CARHSP1: variants seen among roughly 807,000 people sequenced by gnomAD.
CARHSP1 encodes the protein calcium regulated heat stable protein 1.
In CARHSP1, 14 loss-of-function variants were observed where a neutral mutation model predicts 12.5. That is an observed-to-expected ratio of 1.12 (90% CI 0.74 to 1.75). CARHSP1 has a LOEUF of 1.75. Ranked by LOEUF, CARHSP1 falls within the 40% of genes most tolerant of loss-of-function variation. CARHSP1 has a pLI of 0.00. For synonymous variants in CARHSP1, 161 were observed against 82.0 expected (o/e 1.96, Z -5.20); for missense variants, 343 against 201.6 (o/e 1.70, Z -4.25).
intron 1 of CARHSP1, chr16:8,860,204 G>C (rs1271292719): frequency 7.1e-6 from 7 of 985,324 alleles, no homozygotes; most frequent in African/African-American, 1.7e-5. Context: ...CCTGCACCCA[G>C]GACTGGGGGG....
At chr16:8,865,741 TG>T (rs2061443978) in intron 1 of CARHSP1, among the ~76,000 whole-genome samples, 1 of 152,192 alleles carries the variant, frequency 6.6e-6, no homozygotes, top group Non-Finnish European at 1.5e-5. Context: ...CAGGCCCTGT[TG>T]GGGGATTACA....
At chr16:8,858,530 C>T in intron 2 of CARHSP1, 58 bp from the exon 3 acceptor site, 2 of 1,590,768 alleles carry the variant, frequency 1.3e-6, no homozygotes, top group South Asian at 2.3e-5. Context: ...ACACAAAGCT[C>T]ATTCCAGCCC....
At chr16:8,864,585 G>A (rs1387993760) in intron 1 of CARHSP1, among the ~76,000 whole-genome samples, 1 of 152,254 alleles carries the variant, frequency 6.6e-6, no homozygotes, top group Non-Finnish European at 1.5e-5. Context: ...TACGGAGTAA[G>A]TCAGACAGCA....
At chr16:8,857,265 T>TTTTTGTTG (rs1472338087) in intron 3 of CARHSP1, among the ~76,000 whole-genome samples, 4 of 11,834 alleles carry the variant, frequency 3.4e-4, no homozygotes, top group Non-Finnish European at 8.0e-4. Context: ...GCAGATCTGT[T>TTTTTGTTG]TTTTTTTTTT....
Position 8,853,159 on chromosome 16 carries a change from G to A in CARHSP1, c.*2005C>T, listed in dbSNP as rs1414882446. ...ATACCCATTGATTGAAAGAGCTGTGGCCAAACAGGAAGGACAGAGTAAGAG... is the reference window on the plus strand; with the variant it reads ...ATACCCATTGATTGAAAGAGCTGTGACCAAACAGGAAGGACAGAGTAAGAG... On this transcript the variant is annotated 3_prime_UTR_variant, in exon 4 of 4. Coordinates refer to ENST00000311052, the MANE Select transcript of CARHSP1 (RefSeq NM_014316.4). 6.6e-6 allele frequency: 1 copy of A among 152,016 alleles called. No homozygotes were observed. The highest frequency in any genetic ancestry group is 6.6e-5 in the Admixed American group (1 of 15,242). 9.4% of individuals were successfully genotyped at this position (152,016 alleles called of 1,614,324 possible).
intron 1 of CARHSP1, among the ~76,000 whole-genome samples, chr16:8,865,557 T>C (rs939500421): frequency 6.6e-6 from 1 of 152,210 alleles, no homozygotes; most frequent in African/African-American, 2.4e-5. Flanking sequence ...GTCTTGAGCC[T>C]TCCATGGGAT....
At chr16:8,860,556 T>TA in intron 1 of CARHSP1, 1 of 983,448 alleles carries the variant, frequency 1.0e-6, no homozygotes. Context: ...TTCCCATCTC[T>TA]GGGCTCAGTT....
chr16:8,866,468 G>A (rs138031402), intron 1 of CARHSP1: 13,968 of 985,282 alleles, frequency 0.014, 99 homozygotes, highest in African/African-American at 0.022. Flanking sequence ...GAGACACTGA[G>A]CTGACCCATC....
At chr16:8,867,627 T>TC (rs1480756021) in intron 1 of CARHSP1, 1 of 152,388 alleles carries the variant, frequency 6.6e-6, no homozygotes, top group Non-Finnish European at 1.5e-5. Flanking sequence ...CAGGCCTAGC[T>TC]CAGCTCATTG....
At chr16:8,857,272 T>TTTGTTTTTG in intron 3 of CARHSP1, among the ~76,000 whole-genome samples, 1 of 29,336 alleles carries the variant, frequency 3.4e-5, no homozygotes, top group Non-Finnish European at 7.2e-5. Context: ...TGTTTTTTTT[T>TTTGTTTTTG]TTTTTTTTTT....
At chr16:8,862,061 G>A (rs1382876785) in intron 1 of CARHSP1, among the ~76,000 whole-genome samples, 1 of 140,562 alleles carries the variant, frequency 7.1e-6, no homozygotes, top group African/African-American at 2.6e-5. Context: ...GGAGTGCAAT[G>A]GCACAATCTC....
At chr16:8,858,968 T>G in intron 2 of CARHSP1, 1 of 493,058 alleles carries the variant, frequency 2.0e-6, no homozygotes, top group Non-Finnish European at 3.5e-6. Context: ...TCCCAGCTGG[T>G]AACAGGTTCT....
At chr16:8,858,985 C>T in intron 2 of CARHSP1, 186 bp downstream of exon 2, 1 of 531,582 alleles carries the variant, frequency 1.9e-6, no homozygotes, top group Non-Finnish European at 3.3e-6. Flanking sequence ...TTCTTCTGGG[C>T]TGGGCAGTAC....
chr16:8,863,180 C>T (rs373408126), intron 1 of CARHSP1, among the ~76,000 whole-genome samples: 2 of 128,018 alleles, frequency 1.6e-5, no homozygotes, highest in South Asian at 2.5e-4. Flanking sequence ...AATGCAGTGG[C>T]GCGATCATGG....
intron 3 of CARHSP1, among the ~76,000 whole-genome samples, chr16:8,857,229 A>C (rs1381263421): frequency 4.6e-5 from 6 of 130,000 alleles, no homozygotes; most frequent in African/African-American, 1.5e-4. Flanking sequence ...ATCCATTTCC[A>C]TCACTTTCTG....
At chr16:8,858,898 C>A (rs1417917172) in intron 2 of CARHSP1, 1 of 426,602 alleles carries the variant, frequency 2.3e-6, no homozygotes, top group Non-Finnish European at 4.1e-6. Flanking sequence ...GGGAACCAGA[C>A]TCTCATGTGT....
In CARHSP1 at chr16:8,854,174, A is replaced by C. The variant is rs1248293415; in HGVS notation, c.*990T>G. ...CTTTAGTTATGAAAAATAAGAAAAA[A>C]AAAATCCCTAAGCATTTCTTAACAC... is the stretch of plus-strand genomic sequence containing the variant. On this transcript the variant is annotated 3_prime_UTR_variant, in exon 4 of 4. Coordinates refer to ENST00000311052, the MANE Select transcript of CARHSP1 (RefSeq NM_014316.4). 2.0e-5 allele frequency: 3 copies of C among 152,094 alleles called. No homozygotes were observed. The highest frequency in any genetic ancestry group is 6.6e-5 in the Admixed American group (1 of 15,266). 9.4% of individuals were successfully genotyped at this position (152,094 alleles called of 1,614,324 possible).
At chr16:8,857,273 T>G (rs1462198585) in intron 3 of CARHSP1, among the ~76,000 whole-genome samples, 1,818 of 45,500 alleles carry the variant, frequency 0.04, 127 homozygotes, top group Non-Finnish European at 0.064. Flanking sequence ...GTTTTTTTTT[T>G]TTTTTTTTTT....
At position 8,863,909 on chromosome 16, in the gene CARHSP1, G is replaced by C. The variant is rs534218064; in HGVS notation, c.-7-4574C>G. ...CCAGCACAGTCCCAGCTTCCAGCCA[G>C]CCACTGCTCTCCCAGCAATACCAGG... On this transcript the variant is annotated intron_variant, in intron 1 of 3. Coordinates refer to ENST00000311052, the MANE Select transcript of CARHSP1 (RefSeq NM_014316.4). 8.5e-5 allele frequency among the ~76,000 whole-genome samples: 13 copies of C among 152,300 alleles called. No individual in the cohort carries two copies. In the South Asian group the frequency reaches 2.7e-3, roughly 32 times the overall value.
Sources: allele counts gnomAD v4.1 joint callset (sites outside exome capture counted in the v4.1 genomes callset), GRCh38; gene constraint gnomAD v4.1.1; transcripts MANE v1.5; gene names NCBI Gene and HGNC (gene_info 2026-07-23, HGNC 2026-07-21).